The following MAP3K13 variants were observed in gnomAD, a reference collection of about 807,000 sequenced individuals.
The protein encoded by MAP3K13 is leucine zipper-bearing kinase.
MAP3K13 carries 52 observed loss-of-function variants against 104.0 expected under a neutral mutation model. The observed-to-expected ratio is 0.50, with a 90% CI of 0.40 to 0.63. The LOEUF is 0.63. Ranked by LOEUF, MAP3K13 falls within the 20% of genes least tolerant of loss-of-function variation. The pLI is 0.00. For synonymous variants in MAP3K13, 394 were observed against 442.2 expected (o/e 0.89, Z 1.37); for missense variants, 914 against 1,218.5 (o/e 0.75, Z 3.72).
At position 185,398,400 on chromosome 3, in the gene MAP3K13, C is replaced by T. The variant is rs188835581; in HGVS notation, c.-85-30097C>T. Reference sequence around the variant, plus strand: ...GAAGGCAGATGAGCAGCCTCTTATTCCCCAAAAGCAGAAAGAGTAATCTCT... The same window carrying T: ...GAAGGCAGATGAGCAGCCTCTTATTTCCCAAAAGCAGAAAGAGTAATCTCT... On this transcript the variant is annotated intron_variant, in intron 1 of 13. Coordinates refer to ENST00000265026, the MANE Select transcript of MAP3K13 (RefSeq NM_004721.5). 2.0e-5 allele frequency among the ~76,000 whole-genome samples: 3 copies of T among 152,262 alleles called. No homozygotes were observed. In the East Asian group the frequency reaches 5.8e-4, roughly 29 times the overall value.
chr3:185,465,630 G>C (rs667526), intron 8 of MAP3K13, 117 bp from the exon 9 acceptor site: 720,139 of 721,992 alleles, frequency 1, 359,166 homozygotes, highest in East Asian at 1. Context: ...GAGGCTTAAA[G>C]TAAGAGGGCC....
At chr3:185,332,418 A>G (rs1722321181) in intron 2 of MAP3K13, among the ~76,000 whole-genome samples, 1 of 152,230 alleles carries the variant, frequency 6.6e-6, no homozygotes, top group South Asian at 2.1e-4. Flanking sequence ...AAAATCCTAT[A>G]ACATAGGTAA....
intron 2 of MAP3K13, among the ~76,000 whole-genome samples, chr3:185,326,242 T>C (rs1296966742): frequency 6.6e-6 from 1 of 152,148 alleles, no homozygotes; most frequent in Non-Finnish European, 1.5e-5. Flanking sequence ...GTGTTTACTT[T>C]GCAACTCCAG....
At chr3:185,471,874 T>C (rs1048217930) in intron 10 of MAP3K13, among the ~76,000 whole-genome samples, 27 of 152,228 alleles carry the variant, frequency 1.8e-4, no homozygotes, top group African/African-American at 6.3e-4. Context: ...TTTCATCTCC[T>C]GTTACAATTT....
At chr3:185,390,659 C>T (rs1459155781) in intron 1 of MAP3K13, among the ~76,000 whole-genome samples, 2 of 134,924 alleles carry the variant, frequency 1.5e-5, no homozygotes, top group Non-Finnish European at 3.1e-5. Context: ...GAGTCTTGCT[C>T]TGTCGCCAGG....
intron 2 of MAP3K13, among the ~76,000 whole-genome samples, chr3:185,324,992 A>G (rs993292423): frequency 1.3e-5 from 2 of 152,224 alleles, no homozygotes; most frequent in Non-Finnish European, 2.9e-5. Flanking sequence ...ATGTGCACCC[A>G]AAGAATATTG....
rs73054859 is a variant in MAP3K13 at position 185,468,240 on chromosome 3, T to C, written c.1643+1277T>C. On this transcript the variant is annotated intron_variant, in intron 10 of 13. Coordinates refer to ENST00000265026, the MANE Select transcript of MAP3K13 (RefSeq NM_004721.5). ...AAGCAGGGCCTTTGATAATTACCTATATCTAACCATATGGGTTCCCCTCAT... is the reference window on the plus strand; with the variant it reads ...AAGCAGGGCCTTTGATAATTACCTACATCTAACCATATGGGTTCCCCTCAT... Among the ~76,000 whole-genome samples the C allele has an allele frequency of 3.2e-3, 487 of 152,288 alleles. 2 individuals carry two copies. The highest frequency in any genetic ancestry group is 0.011 in the African/African-American group (442 of 41,564).
Position 185,315,389 on chromosome 3 carries a change from ATTGC to A in MAP3K13, c.-86+29748_-86+29751del, listed in dbSNP as rs1453176155. Among the ~76,000 whole-genome samples, 1 of 152,160 alleles carries A rather than the reference ATTGC, an allele frequency of 6.6e-6. No homozygotes were observed. Among genetic ancestry groups the A allele is most frequent in the Non-Finnish European group, 1.5e-5 (1 of 68,034 alleles). ...TGTGTGTATGTCTTAACAAAAACAG[ATTGC>A]TGGGTTCTACCCTAGAGTTTCTGAT... is the stretch of plus-strand genomic sequence containing the variant. On this transcript the variant is annotated intron_variant, in intron 2 of 14. Transcript: ENST00000424227. The surrounding 1 kb of genome is among the most constrained non-coding windows in gnomAD (Gnocchi z 4.3).
At chr3:185,403,695 T>C (rs922240691) in intron 1 of MAP3K13, among the ~76,000 whole-genome samples, 4 of 152,220 alleles carry the variant, frequency 2.6e-5, no homozygotes, top group African/African-American at 9.6e-5. Context: ...CAAGAAGACA[T>C]GATATCTTTC....
intron 11 of MAP3K13, 155 bp from the exon 12 acceptor site, chr3:185,477,171 A>C (rs760936750): frequency 3.1e-5 from 22 of 704,056 alleles, no homozygotes. Context: ...TAAATGAATA[A>C]TGAGGACATG....
intron 2 of MAP3K13, among the ~76,000 whole-genome samples, chr3:185,313,431 A>G (rs763692802): frequency 4.0e-5 from 6 of 151,638 alleles, no homozygotes; most frequent in African/African-American, 2.4e-5. Flanking sequence ...CACCATGCCC[A>G]GCTAATTTTT....
intron 2 of MAP3K13, among the ~76,000 whole-genome samples, chr3:185,321,021 ATG>A (rs63326160): frequency 0.097 from 11,573 of 119,432 alleles, 623 homozygotes; most frequent in South Asian, 0.24. Flanking sequence ...ATATATACAT[ATG>A]TGTGTATATA....
At chr3:185,361,395 GT>G (rs796827465), upstream of MAP3K13, among the ~76,000 whole-genome samples, 32 of 141,468 alleles carry the variant, frequency 2.3e-4, no homozygotes, top group South Asian at 1.1e-3. Context: ...TTCGTTTTTT[GT>G]TTTTTTTTTT....
In MAP3K13 at chr3:185,387,071, G is replaced by T. The variant is rs547455108; in HGVS notation, c.-86+23703G>T. On this transcript the variant is annotated intron_variant, in intron 1 of 13. Coordinates refer to ENST00000265026, the MANE Select transcript of MAP3K13 (RefSeq NM_004721.5). ...TATCTCTGAACTTAAAATAAAAGTTGAAGAAAGAAAGGAAAAATAAATAAA... is the reference window on the plus strand; with the variant it reads ...TATCTCTGAACTTAAAATAAAAGTTTAAGAAAGAAAGGAAAAATAAATAAA... Among the ~76,000 whole-genome samples, 3 of 152,196 alleles carry T rather than the reference G, an allele frequency of 2.0e-5. No individual in the cohort carries two copies. The South Asian group carries it at 6.2e-4, about 32-fold the overall frequency.
rs143639384 is a variant in MAP3K13, at chr3:185,437,436, T to A, written c.476-11T>A. ...GATCTCTTCAAGCTTATTTCTTGCT[T>A]GTGTGCCTAGATACTTGGGAAGTGC... On this transcript the variant is annotated splice_polypyrimidine_tract_variant and intron_variant, in intron 2 of 13. Coordinates refer to ENST00000265026, the MANE Select transcript of MAP3K13 (RefSeq NM_004721.5). 1 of 1,611,244 alleles carries A rather than the reference T, an allele frequency of 6.2e-7. No homozygotes were observed. Among genetic ancestry groups the A allele is most frequent in the Non-Finnish European group, 8.5e-7 (1 of 1,178,810 alleles).
At chr3:185,384,552 A>C (rs888544387) in intron 1 of MAP3K13, among the ~76,000 whole-genome samples, 2 of 152,194 alleles carry the variant, frequency 1.3e-5, no homozygotes, top group African/African-American at 2.4e-5. Context: ...ATTGTTTTCC[A>C]TAATGGCTGT....
intron 1 of MAP3K13, among the ~76,000 whole-genome samples, chr3:185,389,364 G>T (rs1711897279): frequency 6.6e-6 from 1 of 152,056 alleles, no homozygotes; most frequent in African/African-American, 2.4e-5. Context: ...TTTCTCCTAT[G>T]TATATAATAG....
chr3:185,337,056 A>C (rs1007278190), intron 2 of MAP3K13, among the ~76,000 whole-genome samples: 2 of 151,802 alleles, frequency 1.3e-5, no homozygotes, highest in Non-Finnish European at 2.9e-5. Flanking sequence ...TTAAAGACTA[A>C]ATCTTTTTTA....
At chr3:185,332,494 G>A (rs1722323518) in intron 2 of MAP3K13, among the ~76,000 whole-genome samples, 1 of 152,098 alleles carries the variant, frequency 6.6e-6, no homozygotes, top group Non-Finnish European at 1.5e-5. Context: ...AGATTTCCAG[G>A]ACACTTCTGT....
Sources: allele counts gnomAD v4.1 joint callset (sites outside exome capture counted in the v4.1 genomes callset), GRCh38; gene constraint gnomAD v4.1.1; non-coding constraint Gnocchi (gnomAD v3.1); transcripts MANE v1.5; gene names NCBI Gene and HGNC (gene_info 2026-07-23, HGNC 2026-07-21).